RUNX1: variants seen among roughly 807,000 people sequenced by gnomAD.
The protein encoded by RUNX1 is RUNX family transcription factor 1.
Under a neutral mutation model 42.8 loss-of-function variants are expected in RUNX1, and 19 were observed. That is an observed-to-expected ratio of 0.44 (90% CI 0.31 to 0.65). The LOEUF is 0.65. Ranked by LOEUF, RUNX1 falls within the 30% of genes least tolerant of loss-of-function variation. The pLI is 0.07. For missense variants in RUNX1, 528 were observed against 672.0 expected, an observed-to-expected ratio of 0.79 and a Z score of 2.37; for synonymous variants, 271 against 289.4, an observed-to-expected ratio of 0.94 and a Z score of 0.64.
intron 2 of RUNX1, among the ~76,000 whole-genome samples, chr21:34,965,001 T>C (rs2058708364): frequency 7.9e-6 from 1 of 126,648 alleles, no homozygotes; most frequent in South Asian, 2.2e-4. Flanking sequence ...CACACTCACA[T>C]ACGTGCACAC....
At position 34,892,323 on chromosome 21, in the gene RUNX1, G is replaced by C. The variant is rs1028193245; in HGVS notation, c.97+602C>G. On this transcript the variant is annotated intron_variant, in intron 3 of 8. Coordinates refer to ENST00000675419, the MANE Select transcript of RUNX1 (RefSeq NM_001754.5). ...ATTTAATTAAACATTTTTTTCTTCT[G>C]AAGTGGCTTTGAGATTACTTCACTT... 2.6e-5 allele frequency among the ~76,000 whole-genome samples: 4 copies of C among 152,170 alleles called. No individual in the cohort carries two copies. In the South Asian group the frequency reaches 6.2e-4, roughly 24 times the overall value.
chr21:34,880,714 C>T lies in RUNX1; in HGVS notation c.352-1G>A, dbSNP rs587776809. Reference sequence around the variant, plus strand: ...CTGGAACATCCCCTAGGGCCACCACCTAAACACCAGTCAAAGGACAAATGC... The same window carrying T: ...CTGGAACATCCCCTAGGGCCACCACTTAAACACCAGTCAAAGGACAAATGC... On this transcript the variant is annotated splice_acceptor_variant, in intron 4 of 8. Transcript: ENST00000675419. LOFTEE classifies it high-confidence loss of function. 1 of 1,613,930 alleles carries T rather than the reference C, an allele frequency of 6.2e-7. No homozygotes were observed. The highest frequency in any genetic ancestry group is 8.5e-7 in the Non-Finnish European group (1 of 1,179,986).
intron 2 of RUNX1, among the ~76,000 whole-genome samples, chr21:34,989,113 A>G (rs2058916133): frequency 6.6e-6 from 1 of 151,338 alleles, no homozygotes; most frequent in African/African-American, 2.4e-5. Flanking sequence ...CGTTCAAGCG[A>G]TTCTCCTGCC....
intron 4 of RUNX1, 97 bp from the exon 5 acceptor site, chr21:34,880,810 T>G (rs935808058): frequency 1.6e-6 from 2 of 1,234,754 alleles, no homozygotes; most frequent in African/African-American, 3.0e-5. Context: ...TAAATGTATA[T>G]TCAATGATTT....
chr21:35,029,547 C>T (rs980732838), intron 2 of RUNX1, among the ~76,000 whole-genome samples: 2 of 152,266 alleles, frequency 1.3e-5, no homozygotes, highest in South Asian at 4.1e-4. Context: ...CCTACAGGGC[C>T]CCAGCCCTTG....
intron 2 of RUNX1, among the ~76,000 whole-genome samples, chr21:35,042,436 C>T (rs977647821): frequency 6.6e-5 from 10 of 152,206 alleles, no homozygotes; most frequent in Admixed American, 2.0e-4. Context: ...TCTGGGTTCA[C>T]GAGACATCTG....
At chr21:35,042,984 G>A (rs2059370237) in intron 2 of RUNX1, among the ~76,000 whole-genome samples, 1 of 152,216 alleles carries the variant, frequency 6.6e-6, no homozygotes, top group South Asian at 2.1e-4. Flanking sequence ...GGGAGAGAAA[G>A]AGAGAGATTC....
Position 34,834,500 on chromosome 21 carries a change from T to C in RUNX1, c.715A>G (p.Ser239Gly), listed in dbSNP as rs770402861. 3 of 1,613,464 alleles carry C rather than the reference T, an allele frequency of 1.9e-6. No homozygotes were observed. Among genetic ancestry groups the C allele is most frequent in the South Asian group, 1.1e-5 (1 of 91,066 alleles). The change falls in exon 7 of 9, where the codon AGC (serine) becomes GGC (glycine). Residue 239 changes from serine to glycine, a missense_variant. This residue lies in a region of RUNX1 where 331 missense variants were observed against 382.5 expected (regional missense o/e 0.87). Coordinates refer to ENST00000675419, the MANE Select transcript of RUNX1 (RefSeq NM_001754.5). The stretch of plus-strand genomic sequence containing the variant: ...GGCGTGGGGGCTGGGTGGTGTGGGC[T>C]GACCCTCATGGCTGTGCGCCGCAGC... ...EQLRRTAMRV[S>G]PHHPAPTPNP... is the part of the protein sequence containing the mutation.
rs144212519 is a variant in RUNX1 at position 34,874,439 on chromosome 21, G to A, written c.508+6118C>T. 4.6e-3 allele frequency among the ~76,000 whole-genome samples: 695 copies of A among 150,900 alleles called. 4 individuals are homozygous for A. The highest frequency in any genetic ancestry group is 0.016 in the African/African-American group (657 of 41,030). On this transcript the variant is annotated intron_variant, in intron 5 of 8. Transcript: ENST00000675419. The stretch of plus-strand genomic sequence containing the variant: ...AGCCCAGTCAACATGGTGAAACCTC[G>A]TCTCTACTAAAAATACAAAATTAGC...
At chr21:34,981,653 T>G (rs2058847191) in intron 2 of RUNX1, among the ~76,000 whole-genome samples, 1 of 152,236 alleles carries the variant, frequency 6.6e-6, no homozygotes, top group South Asian at 2.1e-4. Context: ...AGAATAATAT[T>G]ATTTCCTGCC....
chr21:35,011,680 T>C (rs2059127627), intron 2 of RUNX1, among the ~76,000 whole-genome samples: 1 of 152,198 alleles, frequency 6.6e-6, no homozygotes, highest in Admixed American at 6.5e-5. Flanking sequence ...CCATGTTTCA[T>C]CACTTCAACA....
In RUNX1 at chr21:34,790,774, C is replaced by T. The variant is rs1038997027; in HGVS notation, c.*1361G>A. The T allele has an allele frequency of 1.5e-4, 35 of 233,190 alleles. No individual in the cohort carries two copies. The highest frequency in any genetic ancestry group is 1.2e-3 in the Middle Eastern group (1 of 808). 14.4% of individuals were successfully genotyped at this position (233,190 alleles called of 1,614,324 possible). A position where few individuals can be genotyped will look rare whatever the true frequency, so the allele number is the denominator to read the frequency against. On this transcript the variant is annotated 3_prime_UTR_variant, in exon 9 of 9. Transcript: ENST00000675419. ...GGCACACAGAGGCAAATTGACTCCT[C>T]GAGGCCTGCTTCTGGTGGGCCCTTA...
chr21:34,829,171 T>A (rs1046373983), intron 7 of RUNX1, among the ~76,000 whole-genome samples: 2 of 152,226 alleles, frequency 1.3e-5, no homozygotes, highest in South Asian at 4.1e-4. Flanking sequence ...TTAGCCACTA[T>A]GATCTGCTAT....
intron 6 of RUNX1, among the ~76,000 whole-genome samples, chr21:34,849,342 T>A (rs1460744570): frequency 1.9e-4 from 7 of 37,420 alleles, no homozygotes; most frequent in East Asian, 1.8e-3. Flanking sequence ...CTATATATAT[T>A]ATATATAGTA....
At chr21:35,005,979 C>T (rs745914605) in intron 2 of RUNX1, among the ~76,000 whole-genome samples, 4 of 152,166 alleles carry the variant, frequency 2.6e-5, no homozygotes, top group East Asian at 1.9e-4. Flanking sequence ...TTATGGATGA[C>T]GTCTTCACAG....
Position 34,907,111 on chromosome 21 carries a change from C to A in RUNX1, c.59-14148G>T, listed in dbSNP as rs573566289. On this transcript the variant is annotated intron_variant, in intron 2 of 8. Coordinates refer to ENST00000675419, the MANE Select transcript of RUNX1 (RefSeq NM_001754.5). The surrounding 1 kb of genome is among the most constrained non-coding windows in gnomAD (Gnocchi z 5.3). Reference sequence around the variant, plus strand: ...CAAAGTCAGCCAGGAGGGTCATGTGCCCCCTTCAGTGAAAACCTTGACTCT... The same window carrying A: ...CAAAGTCAGCCAGGAGGGTCATGTGACCCCTTCAGTGAAAACCTTGACTCT... 1.2e-4 allele frequency among the ~76,000 whole-genome samples: 19 copies of A among 152,204 alleles called. No homozygotes were observed. The South Asian group carries it at 3.3e-3, about 27-fold the overall frequency.
intron 2 of RUNX1, among the ~76,000 whole-genome samples, chr21:34,920,458 C>T (rs1259474960): frequency 6.6e-6 from 1 of 152,112 alleles, no homozygotes; most frequent in East Asian, 1.9e-4. Context: ...CAGTTTCAGA[C>T]CAAATTGGAT....
chr21:34,856,450 A>T (rs778410043), intron 6 of RUNX1: 1 of 519,018 alleles, frequency 1.9e-6, no homozygotes, highest in Non-Finnish European at 3.8e-6. Flanking sequence ...CAAAGAGTCT[A>T]TAAGAAAGAA....
At chr21:34,875,720 C>T (rs1449879909) in intron 5 of RUNX1, among the ~76,000 whole-genome samples, 1 of 152,140 alleles carries the variant, frequency 6.6e-6, no homozygotes, top group African/African-American at 2.4e-5. Flanking sequence ...TTCAGATCAT[C>T]TCTTGGTAAC....
Sources: gnomAD v4.1 joint callset for allele counts (sites outside exome capture counted in the v4.1 genomes callset) on GRCh38, gnomAD v4.1.1 for gene constraint, gnomAD v4.1.1 regional missense constraint, Gnocchi (gnomAD v3.1) non-coding constraint, MANE v1.5 for transcripts, NCBI Gene and HGNC (gene_info 2026-07-23, HGNC 2026-07-21) for gene names.